GRID2: variants seen among roughly 807,000 people sequenced by gnomAD.
The protein encoded by GRID2 is glutamate receptor ionotropic, delta-2.
GRID2 carries 33 observed loss-of-function variants against 114.8 expected under a neutral mutation model. That is an observed-to-expected ratio of 0.29 (90% CI 0.22 to 0.38). The LOEUF is 0.38. GRID2 is among the 10% of genes least tolerant of loss of function. GRID2 has a pLI of 1.00. For synonymous variants in GRID2, 505 were observed against 449.9 expected (o/e 1.12, Z -1.55); for missense variants, 1,184 against 1,257.7 (o/e 0.94, Z 0.89).
intron 11 of GRID2, among the ~76,000 whole-genome samples, chr4:93,460,910 T>A (rs1370206193): frequency 2.0e-5 from 3 of 152,178 alleles, no homozygotes; most frequent in African/African-American, 7.2e-5. Context: ...AAGTAAGGCA[T>A]CCTCTTGGTT....
At chr4:92,420,617 A>G (rs1397048199) in intron 1 of GRID2, among the ~76,000 whole-genome samples, 1 of 152,130 alleles carries the variant, frequency 6.6e-6, no homozygotes, top group African/African-American at 2.4e-5. Context: ...TCAATTACCA[A>G]TTTCAAATGA....
rs558258824 is a variant in GRID2, at chr4:92,411,797, C to G, written c.88+107053C>G. On this transcript the variant is annotated intron_variant, in intron 1 of 15. Coordinates refer to ENST00000282020, the MANE Select transcript of GRID2 (RefSeq NM_001510.4). Reference sequence around the variant, plus strand: ...CTCAGCTCACTGCAAGCTCCGCCTCCCGGGTTCACGCCATTCTCCTGCCTC... The same window carrying G: ...CTCAGCTCACTGCAAGCTCCGCCTCGCGGGTTCACGCCATTCTCCTGCCTC... 1.9e-3 allele frequency among the ~76,000 whole-genome samples: 295 copies of G among 151,432 alleles called. 2 individuals are homozygous for G. The highest frequency in any genetic ancestry group is 3.1e-3 in the Non-Finnish European group (209 of 67,852).
intron 14 of GRID2, among the ~76,000 whole-genome samples, chr4:93,747,124 C>A (rs1421201387): frequency 6.6e-6 from 1 of 152,054 alleles, no homozygotes; most frequent in Admixed American, 6.6e-5. Context: ...TCCTCTTATT[C>A]CACCGAAACA....
Position 92,702,464 on chromosome 4 carries a change from C to T in GRID2, c.244+112178C>T, listed in dbSNP as rs1278317534. 2.0e-5 allele frequency: 3 copies of T among 152,116 alleles called. No individual in the cohort carries two copies. The South Asian group carries it at 6.2e-4, about 32-fold the overall frequency. 9.4% of individuals were successfully genotyped at this position (152,116 alleles called of 1,614,324 possible). A position where few individuals can be genotyped will look rare whatever the true frequency, so the allele number is the denominator to read the frequency against. On this transcript the variant is annotated intron_variant, in intron 2 of 15. Coordinates refer to ENST00000282020, the MANE Select transcript of GRID2 (RefSeq NM_001510.4). ...TATGCAAAGGATCCAATATTTTAGG[C>T]CCCTATGGACTATTTCAACCATTTG... is the stretch of plus-strand genomic sequence containing the variant.
At chr4:93,166,859 T>G (rs1247080472) in intron 4 of GRID2, among the ~76,000 whole-genome samples, 1 of 152,140 alleles carries the variant, frequency 6.6e-6, no homozygotes, top group Non-Finnish European at 1.5e-5. Flanking sequence ...TTTGAGAATC[T>G]AAACCAGTGT....
At chr4:92,765,744 G>T (rs6819856) in intron 2 of GRID2, among the ~76,000 whole-genome samples, 27,153 of 152,048 alleles carry the variant, frequency 0.18, 3,046 homozygotes, top group African/African-American at 0.32. Context: ...CAGACAGAGA[G>T]CACTAAAGTC....
chr4:93,418,769 A>C (rs142170426), intron 9 of GRID2, among the ~76,000 whole-genome samples: 1 of 152,058 alleles, frequency 6.6e-6, no homozygotes, highest in South Asian at 2.1e-4. Flanking sequence ...TGAAGGAATC[A>C]TGTTACACCT....
At chr4:92,418,459 T>C (rs770917446) in intron 1 of GRID2, among the ~76,000 whole-genome samples, 2 of 151,992 alleles carry the variant, frequency 1.3e-5, no homozygotes, top group Non-Finnish European at 2.9e-5. Context: ...GATTTTAAAA[T>C]GTTACACTGG....
chr4:92,659,058 G>T (rs1391824463), intron 2 of GRID2, among the ~76,000 whole-genome samples: 7 of 133,556 alleles, frequency 5.2e-5, no homozygotes, highest in Admixed American at 5.2e-4. Context: ...TGCCCCAATA[G>T]ATTACAATGT....
intron 3 of GRID2, among the ~76,000 whole-genome samples, chr4:93,093,678 C>T (rs1730965974): frequency 6.6e-6 from 1 of 151,942 alleles, no homozygotes; most frequent in Non-Finnish European, 1.5e-5. Context: ...GAGCATTTTC[C>T]CCTCTTCCCC....
chr4:92,719,728 G>A (rs569651166), intron 2 of GRID2, among the ~76,000 whole-genome samples: 2 of 151,960 alleles, frequency 1.3e-5, no homozygotes, highest in East Asian at 3.9e-4. Context: ...AGAACTACAG[G>A]GGGGAGAATA....
intron 2 of GRID2, among the ~76,000 whole-genome samples, chr4:92,938,574 T>A (rs1214728530): frequency 4.8e-5 from 7 of 144,944 alleles, no homozygotes; most frequent in Non-Finnish European, 9.2e-5. Flanking sequence ...TTTCTTTTTT[T>A]TTATTATACT....
intron 1 of GRID2, among the ~76,000 whole-genome samples, chr4:92,568,788 C>T (rs925070609): frequency 2.6e-5 from 4 of 151,862 alleles, no homozygotes; most frequent in South Asian, 2.1e-4. Context: ...GTGTTCTCAT[C>T]ATTTAGCTCC....
chr4:92,477,839 A>C (rs1471872617), intron 1 of GRID2, among the ~76,000 whole-genome samples: 1 of 147,584 alleles, frequency 6.8e-6, no homozygotes, highest in Non-Finnish European at 1.5e-5. Context: ...ATTTTAATAT[A>C]TATAAATATA....
At chr4:93,770,328 A>G (rs1305412823) in intron 15 of GRID2, among the ~76,000 whole-genome samples, 2 of 152,238 alleles carry the variant, frequency 1.3e-5, no homozygotes, top group African/African-American at 4.8e-5. Context: ...AGAAACTTTT[A>G]AAGTTTCTAT....
rs543615831 is a variant in GRID2 at position 93,105,299 on chromosome 4, C to G, written c.530-5449C>G. Reference sequence around the variant, plus strand: ...GGTAGTTTCTTTTGTTGTGCAGAAGCTCTTTAGTTTACTTAGACCCCATTT... The same window carrying G: ...GGTAGTTTCTTTTGTTGTGCAGAAGGTCTTTAGTTTACTTAGACCCCATTT... On this transcript the variant is annotated intron_variant, in intron 3 of 15. Coordinates refer to ENST00000282020, the MANE Select transcript of GRID2 (RefSeq NM_001510.4). 4.3e-4 allele frequency among the ~76,000 whole-genome samples: 65 copies of G among 152,196 alleles called. 1 individual carries two copies. The highest frequency in any genetic ancestry group is 1.5e-3 in the African/African-American group (61 of 41,548).
At chr4:93,332,391 T>G (rs1758593780) in intron 8 of GRID2, among the ~76,000 whole-genome samples, 1 of 151,944 alleles carries the variant, frequency 6.6e-6, no homozygotes, top group South Asian at 2.1e-4. Context: ...GTCATACATA[T>G]GTGTAAGTCA....
chr4:92,336,103 A>G (rs1056878624), intron 1 of GRID2, among the ~76,000 whole-genome samples: 1 of 152,192 alleles, frequency 6.6e-6, no homozygotes, highest in African/African-American at 2.4e-5. Context: ...ATGTTATACA[A>G]GTACATATGT....
In GRID2 at chr4:92,635,169, G is replaced by C. The variant is rs762947034; in HGVS notation, c.244+44883G>C. Reference sequence around the variant, plus strand: ...TAAAAAACAGTGGTAAAAATCCACAGACACAAAAATACTTTGTATCTACTG... The same window carrying C: ...TAAAAAACAGTGGTAAAAATCCACACACACAAAAATACTTTGTATCTACTG... On this transcript the variant is annotated intron_variant, in intron 2 of 15. Transcript: ENST00000282020. Among the ~76,000 whole-genome samples the C allele has an allele frequency of 6.6e-5, 10 of 152,088 alleles. 1 individual carries two copies. Among genetic ancestry groups the C allele is most frequent in the Non-Finnish European group, 1.5e-4 (10 of 68,018 alleles).
Sources: allele counts gnomAD v4.1 joint callset (sites outside exome capture counted in the v4.1 genomes callset), GRCh38; gene constraint gnomAD v4.1.1; transcripts MANE v1.5; gene names NCBI Gene and HGNC (gene_info 2026-07-23, HGNC 2026-07-21).